SPG21: variants seen among roughly 807,000 people sequenced by gnomAD.
SPG21 encodes the protein maspardin.
A neutral mutation model predicts 38.9 loss-of-function variants in SPG21; 26 were observed. That is an observed-to-expected ratio of 0.67 (90% CI 0.49 to 0.93). SPG21 has a LOEUF of 0.93. Among genes scored for constraint, SPG21 ranks in the 40% least tolerant of loss-of-function variants. SPG21 has a pLI of 0.00. For missense variants in SPG21, 333 were observed against 376.5 expected (o/e 0.88, Z 0.96); for synonymous variants, 136 against 128.9 (o/e 1.05, Z -0.37).
chr15:64,974,663 G>A lies in SPG21; in HGVS notation c.391C>T (p.Leu131=). 6.2e-7 allele frequency: 1 copy of A among 1,614,178 alleles called. No individual in the cohort carries two copies. Among genetic ancestry groups the A allele is most frequent in the Non-Finnish European group, 8.5e-7 (1 of 1,180,026 alleles). The stretch of plus-strand genomic sequence containing the variant: ...TCACTGAAGGAATTGCAGAGGATTA[G>A]GGAATGGACTCTAGGAGATTTGTGA... ...YTHKSPRVHS[L]ILCNSFSDTS... The change falls in exon 5 of 9, where the codon CTA becomes TTA. Residue 131 remains leucine (L), a synonymous_variant. Transcript: ENST00000204566.
chr15:64,978,976 ACAATTACAAC>A, intron 3 of SPG21, among the ~76,000 whole-genome samples: 1 of 152,330 alleles, frequency 6.6e-6, no homozygotes, highest in South Asian at 2.1e-4. Flanking sequence ...ATGTGAATCT[ACAATTACAAC>A]AACAAAAAAA....
chr15:64,963,289 C>A lies in SPG21; in HGVS notation c.*331G>T. ...ATGGAAAAGAAAAGAAGAAAAAAAC[C>A]ACCACAAAGTCCCAAACCTCAGAAA... On this transcript the variant is annotated 3_prime_UTR_variant, in exon 9 of 9. Transcript: ENST00000204566. 5 of 230,608 alleles carry A rather than the reference C, an allele frequency of 2.2e-5. No homozygotes were observed. The highest frequency in any genetic ancestry group is 1.6e-4 in the Admixed American group (3 of 19,124). 14.3% of individuals were successfully genotyped at this position (230,608 alleles called of 1,614,324 possible).
chr15:64,963,485 C>T lies in SPG21; in HGVS notation c.*135G>A, dbSNP rs946346652. 1.4e-6 allele frequency: 1 copy of T among 714,022 alleles called. No individual in the cohort carries two copies. Among genetic ancestry groups the T allele is most frequent in the Non-Finnish European group, 2.5e-6 (1 of 396,570 alleles). 44.2% of individuals were successfully genotyped at this position (714,022 alleles called of 1,614,324 possible). A position where few individuals can be genotyped will look rare whatever the true frequency, so the allele number is the denominator to read the frequency against. Reference sequence around the variant, plus strand: ...TGCCGCCTGTCATGAAGATGACCATCAGTCCTACTTCCCAGACACAGTGAG... The same window carrying T: ...TGCCGCCTGTCATGAAGATGACCATTAGTCCTACTTCCCAGACACAGTGAG... On this transcript the variant is annotated 3_prime_UTR_variant, in exon 9 of 9. Transcript: ENST00000204566.
chr15:64,988,865 C>A (rs1454589258), intron 1 of SPG21: 1 of 152,084 alleles, frequency 6.6e-6, no homozygotes, highest in African/African-American at 2.4e-5. Flanking sequence ...GCCTGTAGTG[C>A]CAGCTACTCG....
In SPG21 at chr15:64,963,216, T is replaced by A. The variant is rs564135416; in HGVS notation, c.*404A>T. 1 of 184,376 alleles carries A rather than the reference T, an allele frequency of 5.4e-6. No individual in the cohort carries two copies. The highest frequency in any genetic ancestry group is 1.2e-4 in the South Asian group (1 of 8,400). The allele number at this position is 184,376 out of a possible 1,614,324, so 11.4% of individuals were successfully genotyped here. On this transcript the variant is annotated 3_prime_UTR_variant, in exon 9 of 9. Transcript: ENST00000204566. ...ATAACCAATGTCCTGATATGCAATC[T>A]GGATGTGCAGCATTTACAGCAAACA... is the stretch of plus-strand genomic sequence containing the variant.
At chr15:64,988,355 C>A (rs2086040710) in intron 1 of SPG21, among the ~76,000 whole-genome samples, 1 of 152,228 alleles carries the variant, frequency 6.6e-6, no homozygotes, top group African/African-American at 2.4e-5. Context: ...ACATAACCAG[C>A]ATAATTAGTC....
In SPG21 at chr15:64,983,583, G is replaced by A; in HGVS notation, c.-14C>T. 6.4e-7 allele frequency: 1 copy of A among 1,555,770 alleles called. No homozygotes were observed. The highest frequency in any genetic ancestry group is 8.8e-7 in the Non-Finnish European group (1 of 1,142,826). ...AATCTCTCCCATGATTAGCTGAAATGGAGGTTAATCCTGAAATAAAAGCAT... is the reference window on the plus strand; with the variant it reads ...AATCTCTCCCATGATTAGCTGAAATAGAGGTTAATCCTGAAATAAAAGCAT... On this transcript the variant is annotated 5_prime_UTR_variant, in exon 2 of 9. Transcript: ENST00000204566.
intron 5 of SPG21, among the ~76,000 whole-genome samples, chr15:64,973,513 G>A (rs550810921): frequency 3.4e-4 from 51 of 151,906 alleles, no homozygotes; most frequent in Admixed American, 5.9e-4. Flanking sequence ...GTGCAATGGC[G>A]TGATCTCGGC....
chr15:64,973,780 C>G (rs994228786), intron 5 of SPG21, among the ~76,000 whole-genome samples: 1 of 152,158 alleles, frequency 6.6e-6, no homozygotes, highest in African/African-American at 2.4e-5. Flanking sequence ...TTTGGAAGAA[C>G]AGACTAATAT....
chr15:64,984,495 G>A (rs1163079731), intron 1 of SPG21, among the ~76,000 whole-genome samples: 2 of 151,894 alleles, frequency 1.3e-5, no homozygotes, highest in East Asian at 3.9e-4. Context: ...CTGAGACAAT[G>A]GGCACACACC....
chr15:64,966,611 A>G (rs2085545087), intron 7 of SPG21, among the ~76,000 whole-genome samples: 1 of 152,158 alleles, frequency 6.6e-6, no homozygotes, highest in Admixed American at 6.6e-5. Flanking sequence ...TAAAAATACC[A>G]TATTATGGCC....
At chr15:64,972,818 C>A (rs1025816519) in intron 5 of SPG21, among the ~76,000 whole-genome samples, 1 of 152,024 alleles carries the variant, frequency 6.6e-6, no homozygotes, top group Non-Finnish European at 1.5e-5. Context: ...GGCGACAGAG[C>A]GAGACTCCAT....
chr15:64,972,513 G>A (rs2085686997), intron 5 of SPG21, among the ~76,000 whole-genome samples: 1 of 152,178 alleles, frequency 6.6e-6, no homozygotes, highest in Non-Finnish European at 1.5e-5. Flanking sequence ...CATGAATGCT[G>A]AGTAATTACT....
At chr15:64,967,106 T>C (rs2085554871) in intron 7 of SPG21, among the ~76,000 whole-genome samples, 1 of 152,002 alleles carries the variant, frequency 6.6e-6, no homozygotes, top group African/African-American at 2.4e-5. Flanking sequence ...CTTTGTGCAT[T>C]GTTGGTGGGA....
In SPG21 at chr15:64,980,845, TTTAATCAGTAATAC is replaced by T. The variant is rs1398071891; in HGVS notation, c.225+5_225+18del. 1.2e-6 allele frequency: 2 copies of T among 1,612,422 alleles called. No homozygotes were observed. The highest frequency in any genetic ancestry group is 1.7e-6 in the Non-Finnish European group (2 of 1,179,654). On this transcript the variant is annotated splice_donor_5th_base_variant and intron_variant, in intron 3 of 8. Coordinates refer to ENST00000204566, the MANE Select transcript of SPG21 (RefSeq NM_016630.7). ...AAACACACAAAACGTGGGTCTGAAT[TTTAATCAGTAATAC>T]TTACAGCGATAACCCGGTAACCCCA... is the stretch of plus-strand genomic sequence containing the variant.
chr15:64,979,473 T>G (rs2085844475), intron 3 of SPG21, among the ~76,000 whole-genome samples: 1 of 152,060 alleles, frequency 6.6e-6, no homozygotes, highest in Non-Finnish European at 1.5e-5. Context: ...GGCTCAAACA[T>G]GTCACGTGAG....
chr15:64,989,430 G>C (rs979246166), intron 1 of SPG21: 1 of 152,374 alleles, frequency 6.6e-6, no homozygotes, highest in Non-Finnish European at 1.5e-5. Context: ...CAGTCCCACC[G>C]GTGACAGCCA....
intron 5 of SPG21, 98 bp from the exon 6 acceptor site, chr15:64,970,320 A>C (rs1412638345): frequency 9.4e-7 from 1 of 1,068,180 alleles, no homozygotes; most frequent in Admixed American, 1.8e-5. Context: ...GGATCTAGAA[A>C]TAAAAAGTCC....
At chr15:64,985,631 G>A (rs970360159) in intron 1 of SPG21, among the ~76,000 whole-genome samples, 9 of 152,186 alleles carry the variant, frequency 5.9e-5, no homozygotes, top group Non-Finnish European at 1.2e-4. Flanking sequence ...ATCCTAGCAC[G>A]GCTAACACGA....
Sources: gnomAD v4.1 joint callset for allele counts (sites outside exome capture counted in the v4.1 genomes callset) on GRCh38, gnomAD v4.1.1 for gene constraint, MANE v1.5 for transcripts, NCBI Gene and HGNC (gene_info 2026-07-23, HGNC 2026-07-21) for gene names.